NKAIN3: variants seen among roughly 807,000 people sequenced by gnomAD.
NKAIN3 encodes sodium/potassium-transporting ATPase subunit beta-1-interacting protein 3.
In NKAIN3, 25 loss-of-function variants were observed where a neutral mutation model predicts 30.2. The observed-to-expected ratio is 0.83, with a 90% confidence interval of 0.60 to 1.16. NKAIN3 has a LOEUF of 1.16. Ranked by LOEUF, NKAIN3 falls within the 50% of genes most tolerant of loss-of-function variation. NKAIN3 has a pLI of 0.00. For missense variants in NKAIN3, 225 were observed against 254.1 expected (o/e 0.89, Z 0.78); for synonymous variants, 91 against 89.6 (o/e 1.02, Z -0.09).
At chr8:62,643,181 A>G (rs1013547649) in intron 3 of NKAIN3, among the ~76,000 whole-genome samples, 9 of 152,060 alleles carry the variant, frequency 5.9e-5, no homozygotes, top group African/African-American at 2.2e-4. Context: ...GCACAGTTGT[A>G]TTTTTTTCAC....
intron 4 of NKAIN3, among the ~76,000 whole-genome samples, chr8:62,911,492 C>T (rs750341537): frequency 3.9e-5 from 6 of 152,096 alleles, no homozygotes; most frequent in Non-Finnish European, 8.8e-5. Context: ...ACTCCTCGTT[C>T]GGAAATTTTC....
chr8:62,560,563 A>C (rs797001419), intron 1 of NKAIN3, among the ~76,000 whole-genome samples: 714 of 69,280 alleles, frequency 0.01, 6 homozygotes, highest in African/African-American at 0.036. Context: ...TTTTGAGACG[A>C]AGTTTCTCTC....
chr8:62,304,888 A>G (rs1251734562), intron 1 of NKAIN3, among the ~76,000 whole-genome samples: 2 of 150,436 alleles, frequency 1.3e-5, no homozygotes, highest in Admixed American at 6.6e-5. Context: ...GGTGGACCAA[A>G]TCTTGCATTA....
intron 1 of NKAIN3, among the ~76,000 whole-genome samples, chr8:62,315,451 T>C (rs555895496): frequency 1.7e-4 from 26 of 152,348 alleles, no homozygotes; most frequent in African/African-American, 5.5e-4. Context: ...CAATAGTTCA[T>C]AGTATTTCAT....
chr8:62,470,770 C>A (rs1806307781), intron 1 of NKAIN3, among the ~76,000 whole-genome samples: 1 of 151,846 alleles, frequency 6.6e-6, no homozygotes, highest in African/African-American at 2.4e-5. Flanking sequence ...AAGCAGAAAG[C>A]CTACTCTCTC....
intron 1 of NKAIN3, among the ~76,000 whole-genome samples, chr8:62,451,601 T>C (rs559614119): frequency 2.0e-5 from 3 of 152,152 alleles, no homozygotes; most frequent in Non-Finnish European, 2.9e-5. Flanking sequence ...TTAAAACATT[T>C]TGTAGAAGCC....
At chr8:62,485,780 G>A (rs1806880911) in intron 1 of NKAIN3, among the ~76,000 whole-genome samples, 2 of 152,252 alleles carry the variant, frequency 1.3e-5, no homozygotes, top group Non-Finnish European at 2.9e-5. Context: ...AAGAGAAGAG[G>A]GAATGGATTT....
chr8:62,543,009 T>C (rs1585926273), intron 1 of NKAIN3, among the ~76,000 whole-genome samples: 1 of 152,110 alleles, frequency 6.6e-6, no homozygotes, highest in Non-Finnish European at 1.5e-5. Context: ...ACTGAAGTGG[T>C]GGAAAGAGGT....
At chr8:62,567,639 G>T (rs966023502) in intron 1 of NKAIN3, among the ~76,000 whole-genome samples, 6 of 152,018 alleles carry the variant, frequency 3.9e-5, no homozygotes, top group African/African-American at 7.2e-5. Flanking sequence ...GCCCACTGTG[G>T]CTGGCTTTGA....
chr8:62,815,014 C>T (rs1818629087), intron 4 of NKAIN3, among the ~76,000 whole-genome samples: 1 of 151,844 alleles, frequency 6.6e-6, no homozygotes, highest in Non-Finnish European at 1.5e-5. Flanking sequence ...CAAATAGATG[C>T]AATAAAAAAT....
At chr8:62,993,294 A>T (rs1270110220) in intron 5 of NKAIN3, among the ~76,000 whole-genome samples, 1 of 152,164 alleles carries the variant, frequency 6.6e-6, no homozygotes, top group East Asian at 1.9e-4. Flanking sequence ...CTGCCACACA[A>T]CCTTTTATTA....
chr8:62,354,152 CGTT>C (rs1431687036), intron 1 of NKAIN3, among the ~76,000 whole-genome samples: 9 of 152,106 alleles, frequency 5.9e-5, no homozygotes, highest in Non-Finnish European at 1.0e-4. Flanking sequence ...AGAAAAACAA[CGTT>C]GTGATTAAAC....
chr8:62,864,134 G>T (rs920963419), intron 4 of NKAIN3: 17 of 620,196 alleles, frequency 2.7e-5, no homozygotes, highest in Middle Eastern at 4.1e-4. Flanking sequence ...ATGGCGACGC[G>T]AGCGCGGAAA....
intron 3 of NKAIN3, among the ~76,000 whole-genome samples, chr8:62,649,267 G>A (rs767523912): frequency 6.6e-6 from 1 of 152,116 alleles, no homozygotes; most frequent in Non-Finnish European, 1.5e-5. Context: ...ACCATGCCTT[G>A]CCTATTCTTG....
intron 4 of NKAIN3, among the ~76,000 whole-genome samples, chr8:62,917,150 A>T (rs749948172): frequency 7.2e-5 from 11 of 152,064 alleles, no homozygotes; most frequent in African/African-American, 9.7e-5. Flanking sequence ...CTAAGGGCAC[A>T]CACACACATC....
chr8:62,376,987 T>C (rs1361475636), intron 1 of NKAIN3, among the ~76,000 whole-genome samples: 11 of 152,138 alleles, frequency 7.2e-5, no homozygotes, highest in Non-Finnish European at 1.2e-4. Flanking sequence ...AAGACCTACA[T>C]TGTATGCAGA....
chr8:62,946,623 G>A (rs1409387339), intron 5 of NKAIN3, among the ~76,000 whole-genome samples: 1 of 152,174 alleles, frequency 6.6e-6, no homozygotes, highest in African/African-American at 2.4e-5. Flanking sequence ...TTATCCTTAT[G>A]AATTTATATC....
At chr8:62,373,199 G>C (rs552857567) in intron 1 of NKAIN3, among the ~76,000 whole-genome samples, 1 of 152,136 alleles carries the variant, frequency 6.6e-6, no homozygotes, top group Non-Finnish European at 1.5e-5. Flanking sequence ...CGGATAAATA[G>C]AGGTTACTCT....
chr8:62,283,698 T>G (rs1813276665), intron 1 of NKAIN3, among the ~76,000 whole-genome samples: 1 of 152,142 alleles, frequency 6.6e-6, no homozygotes, highest in South Asian at 2.1e-4. Context: ...TAATATAATT[T>G]TATAAGCTGC....
Sources: allele counts gnomAD v4.1 joint callset (sites outside exome capture counted in the v4.1 genomes callset), GRCh38; gene constraint gnomAD v4.1.1; transcripts MANE v1.5; gene names NCBI Gene and HGNC (gene_info 2026-07-23, HGNC 2026-07-21).